LDLRAD4: variants seen among roughly 807,000 people sequenced by gnomAD.
LDLRAD4 encodes low-density lipoprotein receptor class A domain-containing protein 4.
LDLRAD4 carries 5 observed loss-of-function variants against 17.0 expected under a neutral mutation model. The ratio of observed to expected loss-of-function variants is 0.29; its 90% confidence interval spans 0.15 to 0.62. The LOEUF (loss-of-function observed/expected upper bound fraction) is 0.62, where lower values mean the gene tolerates loss of function less well. Ranked by LOEUF, LDLRAD4 falls within the 20% of genes least tolerant of loss-of-function variation. LDLRAD4 has a pLI of 0.84. For missense variants in LDLRAD4, 340 were observed against 424.7 expected, an observed-to-expected ratio of 0.80 and a Z score of 1.75; for synonymous variants, 168 against 171.8, an observed-to-expected ratio of 0.98 and a Z score of 0.17.
intron 2 of LDLRAD4, among the ~76,000 whole-genome samples, chr18:13,403,105 A>T (rs1275178383): frequency 6.6e-6 from 1 of 152,228 alleles, no homozygotes; most frequent in Non-Finnish European, 1.5e-5. Flanking sequence ...ACATCCTAAA[A>T]CAACATGAAG....
chr18:13,478,088 G>A (rs1447319890), intron 3 of LDLRAD4, among the ~76,000 whole-genome samples: 2 of 152,148 alleles, frequency 1.3e-5, no homozygotes, highest in Non-Finnish European at 2.9e-5. Flanking sequence ...ATTTTCTCTG[G>A]AACATAGTCC....
chr18:13,341,382 T>G (rs991689957), intron 1 of LDLRAD4, among the ~76,000 whole-genome samples: 2 of 152,160 alleles, frequency 1.3e-5, no homozygotes, highest in African/African-American at 2.4e-5. Context: ...TTTTTATTAA[T>G]TGGTGTTTTC....
intron 3 of LDLRAD4, among the ~76,000 whole-genome samples, chr18:13,460,200 G>T (rs1393422999): frequency 6.6e-6 from 1 of 151,848 alleles, no homozygotes; most frequent in Non-Finnish European, 1.5e-5. Context: ...CTTTTATTTT[G>T]TTTTTTTTAA....
intron 1 of LDLRAD4, among the ~76,000 whole-genome samples, chr18:13,340,132 GTATGTA>G (rs1370431665): frequency 6.6e-6 from 1 of 152,156 alleles, no homozygotes; most frequent in East Asian, 1.9e-4. Context: ...AAAACTCACT[GTATGTA>G]TATGCCACAT....
At chr18:13,455,447 A>T (rs957243277) in intron 3 of LDLRAD4, among the ~76,000 whole-genome samples, 1 of 152,134 alleles carries the variant, frequency 6.6e-6, no homozygotes, top group Non-Finnish European at 1.5e-5. Flanking sequence ...CGTAAAGGTC[A>T]TGAGATGCCC....
chr18:13,318,283 A>G (rs1219738490), intron 1 of LDLRAD4, among the ~76,000 whole-genome samples: 1 of 150,728 alleles, frequency 6.6e-6, no homozygotes, highest in Non-Finnish European at 1.5e-5. Context: ...TTTTTTTGAG[A>G]CAGAGTCTCC....
At chr18:13,482,750 A>G (rs1204463545) in intron 3 of LDLRAD4, among the ~76,000 whole-genome samples, 2 of 152,182 alleles carry the variant, frequency 1.3e-5, no homozygotes, top group East Asian at 1.9e-4. Flanking sequence ...GTGACAAGTT[A>G]TGGGAAGGTG....
intron 1 of LDLRAD4, among the ~76,000 whole-genome samples, chr18:13,248,756 G>T (rs1266929631): frequency 6.6e-6 from 1 of 152,096 alleles, no homozygotes; most frequent in African/African-American, 2.4e-5. Context: ...ATTTCTTTGT[G>T]CTGGGAACAT....
At chr18:13,314,239 A>G (rs1253075651) in intron 1 of LDLRAD4, among the ~76,000 whole-genome samples, 2 of 152,202 alleles carry the variant, frequency 1.3e-5, no homozygotes, top group African/African-American at 4.8e-5. Context: ...AAAGTGGTAA[A>G]TCAGAAAGGA....
intron 3 of LDLRAD4, chr18:13,526,431 G>T (rs1213444103): frequency 6.6e-6 from 1 of 152,218 alleles, no homozygotes; most frequent in Non-Finnish European, 1.5e-5. Flanking sequence ...AATGAAGTTA[G>T]CTCCAAAAAC....
chr18:13,243,143 T>C (rs554511819), intron 1 of LDLRAD4, among the ~76,000 whole-genome samples: 2 of 152,352 alleles, frequency 1.3e-5, no homozygotes, highest in Non-Finnish European at 2.9e-5. Flanking sequence ...CATGTTTTCT[T>C]TGGGAGTGTT....
At chr18:13,396,321 TGTCCTTTGTGGATGCTCAA>T (rs2086692512) in intron 2 of LDLRAD4, among the ~76,000 whole-genome samples, 1 of 152,250 alleles carries the variant, frequency 6.6e-6, no homozygotes, top group Admixed American at 6.5e-5. Flanking sequence ...TCAGCCTTGC[TGTCCTTTGTGGATGCTCAA>T]GTCCCTGATA....
chr18:13,373,575 T>C (rs1481950566), intron 1 of LDLRAD4, among the ~76,000 whole-genome samples: 1 of 152,248 alleles, frequency 6.6e-6, no homozygotes, highest in Non-Finnish European at 1.5e-5. Flanking sequence ...ATGGTTGAGA[T>C]CTTTGCTCAT....
chr18:13,365,780 A>G (rs2084012601), intron 1 of LDLRAD4, among the ~76,000 whole-genome samples: 1 of 152,128 alleles, frequency 6.6e-6, no homozygotes, highest in Non-Finnish European at 1.5e-5. Context: ...TATTTGACTG[A>G]TTGATTGATT....
intron 2 of LDLRAD4, among the ~76,000 whole-genome samples, chr18:13,396,606 C>T (rs1188243886): frequency 6.6e-6 from 1 of 152,168 alleles, no homozygotes; most frequent in Non-Finnish European, 1.5e-5. Context: ...GTCTTGGCCT[C>T]TTGAGTAGCT....
exon 6 of LDLRAD4, chr18:13,650,464 A>G (rs1041182342): frequency 3.0e-5 from 12 of 397,798 alleles, no homozygotes; most frequent in African/African-American, 1.6e-4. Flanking sequence ...ATATACCCCT[A>G]TCATGTCAGA....
chr18:13,492,804 C>T (rs2093385804), intron 3 of LDLRAD4, among the ~76,000 whole-genome samples: 1 of 152,238 alleles, frequency 6.6e-6, no homozygotes, highest in Non-Finnish European at 1.5e-5. Flanking sequence ...CTCCACTCTT[C>T]CTGCCTTTCC....
intron 3 of LDLRAD4, chr18:13,563,061 A>G (rs2094557998): frequency 6.6e-6 from 1 of 152,324 alleles, no homozygotes; most frequent in African/African-American, 2.4e-5. Context: ...CTCATTTCCC[A>G]TTTCTGATGA....
intron 3 of LDLRAD4, among the ~76,000 whole-genome samples, chr18:13,553,200 G>A (rs903667496): frequency 2.6e-5 from 4 of 152,168 alleles, no homozygotes; most frequent in African/African-American, 9.7e-5. Flanking sequence ...GTATCACTTA[G>A]CAACATCAAT....
Sources: allele counts gnomAD v4.1 joint callset (sites outside exome capture counted in the v4.1 genomes callset), GRCh38; gene constraint gnomAD v4.1.1; transcripts MANE v1.5; gene names NCBI Gene and HGNC (gene_info 2026-07-23, HGNC 2026-07-21).